The following NBAS variants were observed in gnomAD, a reference collection of about 807,000 sequenced individuals.
NBAS encodes NAG/BC035112 fusion.
In NBAS, 219 loss-of-function variants were observed where a neutral mutation model predicts 302.5. The observed-to-expected ratio is 0.72, with a 90% CI of 0.65 to 0.81. The LOEUF (loss-of-function observed/expected upper bound fraction) is 0.81. Among genes scored for constraint, NBAS ranks in the 30% least tolerant of loss-of-function variants. The probability of loss-of-function intolerance (pLI) is 0.00; values close to 1 mark genes in which losing one functional copy is unlikely to be tolerated. For missense variants in NBAS, 2,932 were observed against 2,841.6 expected (o/e 1.03, Z -0.72); for synonymous variants, 1,118 against 1,021.6 (o/e 1.09, Z -1.80).
intron 22 of NBAS, among the ~76,000 whole-genome samples, chr2:15,426,733 T>A (rs1357594485): frequency 6.6e-6 from 1 of 152,206 alleles, no homozygotes; most frequent in East Asian, 1.9e-4. Flanking sequence ...TTTCTTTCAG[T>A]TCCGTTTTCC....
At chr2:15,380,408 T>C (rs1386289121) in intron 29 of NBAS, among the ~76,000 whole-genome samples, 4 of 152,012 alleles carry the variant, frequency 2.6e-5, no homozygotes, top group African/African-American at 9.7e-5. Flanking sequence ...AGAAAAATCT[T>C]TGAATACAAT....
At chr2:15,141,774 T>G in the NBAS span, among the ~76,000 whole-genome samples, 16 of 152,334 alleles carry the variant, frequency 1.1e-4, no homozygotes, top group East Asian at 2.9e-3. Flanking sequence ...AACCTGTGCT[T>G]TCTTTAGCAG....
At chr2:15,025,352 G>A in the NBAS span, among the ~76,000 whole-genome samples, 1 of 152,146 alleles carries the variant, frequency 6.6e-6, no homozygotes, top group African/African-American at 2.4e-5. Flanking sequence ...TTACCATTCT[G>A]TTTGGGTTAC....
the NBAS span, among the ~76,000 whole-genome samples, chr2:14,807,878 G>A: frequency 7.2e-5 from 11 of 152,052 alleles, no homozygotes; most frequent in Admixed American, 2.0e-4. Context: ...AGTAGATGTT[G>A]CAAAGGGTTA....
intron 32 of NBAS, 133 bp from the exon 33 acceptor site, chr2:15,356,549 A>T: frequency 1.4e-6 from 1 of 730,552 alleles, no homozygotes; most frequent in East Asian, 2.8e-5. Context: ...TGATGAGAGG[A>T]AAAAGTTGCT....
the NBAS span, among the ~76,000 whole-genome samples, chr2:15,085,689 C>A: frequency 2.0e-5 from 3 of 152,150 alleles, no homozygotes; most frequent in Non-Finnish European, 4.4e-5. Flanking sequence ...CTCTTGGGGG[C>A]CTACGAAGGC....
At chr2:15,085,805 C>T in the NBAS span, among the ~76,000 whole-genome samples, 1 of 152,204 alleles carries the variant, frequency 6.6e-6, no homozygotes, top group Admixed American at 6.5e-5. Flanking sequence ...GGGGTGCACA[C>T]GCTGGGGGCA....
At chr2:15,301,532 T>C (rs759088252) in intron 40 of NBAS, among the ~76,000 whole-genome samples, 7 of 152,212 alleles carry the variant, frequency 4.6e-5, no homozygotes, top group Non-Finnish European at 1.0e-4. Context: ...CAGGAACTGG[T>C]GTCCTCCAAT....
intron 35 of NBAS, among the ~76,000 whole-genome samples, chr2:15,341,062 C>G (rs1471702091): frequency 1.3e-5 from 2 of 152,064 alleles, no homozygotes; most frequent in Non-Finnish European, 2.9e-5. Flanking sequence ...CCCTACAGGG[C>G]TAAATAATAT....
At position 15,547,159 on chromosome 2, in the gene NBAS, G is replaced by A. The variant is rs375006781; in HGVS notation, c.379+4334C>T. Among the ~76,000 whole-genome samples the A allele has an allele frequency of 3.3e-5, 5 of 152,242 alleles. No individual in the cohort carries two copies. In the East Asian group the frequency reaches 5.8e-4, roughly 18 times the overall value. On this transcript the variant is annotated intron_variant, in intron 6 of 51. Transcript: ENST00000281513. ...TACAATCCACATTTAAAACATTCTCGAATGGCATGTATTTTATAAAACAAT... is the reference window on the plus strand; with the variant it reads ...TACAATCCACATTTAAAACATTCTCAAATGGCATGTATTTTATAAAACAAT...
Position 15,417,596 on chromosome 2 carries a change from A to C in NBAS, c.2694T>G (p.Asp898Glu). 1 of 1,614,006 alleles carries C rather than the reference A, an allele frequency of 6.2e-7. No individual in the cohort carries two copies. Among genetic ancestry groups the C allele is most frequent in the Non-Finnish European group, 8.5e-7 (1 of 1,179,944 alleles). ...LETLVYEARCDVTLTLKELQQ... is the reference protein window; with the variant it reads ...LETLVYEARCEVTLTLKELQQ... ...GGAGTTCTTTCAGGGTTAGAGTTACATCACACCTGGCTTCATAAACCAATG... is the reference window on the plus strand; with the variant it reads ...GGAGTTCTTTCAGGGTTAGAGTTACCTCACACCTGGCTTCATAAACCAATG... The change falls in exon 24 of 52, where the codon GAT becomes GAG. Residue 898 changes from aspartate to glutamate, a missense_variant. Transcript: ENST00000281513.
At chr2:14,894,904 A>C in the NBAS span, among the ~76,000 whole-genome samples, 4 of 152,144 alleles carry the variant, frequency 2.6e-5, no homozygotes, top group African/African-American at 7.2e-5. Context: ...CAAAAAATAC[A>C]AAAATTAGTT....
At chr2:15,335,730 C>A (rs1304485996) in intron 35 of NBAS, among the ~76,000 whole-genome samples, 1 of 152,114 alleles carries the variant, frequency 6.6e-6, no homozygotes, top group Non-Finnish European at 1.5e-5. Flanking sequence ...ATACACATCC[C>A]TTATTAGATA....
chr2:15,198,994 A>G lies in NBAS; in HGVS notation c.6433-8591T>C, dbSNP rs537860070. 9.9e-5 allele frequency among the ~76,000 whole-genome samples: 15 copies of G among 152,024 alleles called. No individual in the cohort carries two copies. The East Asian group carries it at 2.9e-3, about 29-fold the overall frequency. On this transcript the variant is annotated intron_variant, in intron 48 of 51. Coordinates refer to ENST00000281513, the MANE Select transcript of NBAS (RefSeq NM_015909.4). ...ACAAAAAATTAGCCGGGCATTGGTG[A>G]CAGGTGCCTGCAGTCCCAGCTACTC...
the NBAS span, among the ~76,000 whole-genome samples, chr2:14,825,593 C>T: frequency 6.6e-6 from 1 of 152,152 alleles, no homozygotes; most frequent in Non-Finnish European, 1.5e-5. Flanking sequence ...TGCAACAGAT[C>T]TTTACTGTCA....
intron 47 of NBAS, among the ~76,000 whole-genome samples, chr2:15,222,788 C>T (rs776459801): frequency 2.0e-5 from 3 of 152,166 alleles, no homozygotes; most frequent in Non-Finnish European, 2.9e-5. Flanking sequence ...CTGAACCAAA[C>T]GGGCTATTCC....
At position 15,330,687 on chromosome 2, in the gene NBAS, T is replaced by C; in HGVS notation, c.4258A>G (p.Asn1420Asp). The change falls in exon 36 of 52, where the codon AAC becomes GAC. Residue 1420 changes from asparagine to aspartate, a missense_variant. Coordinates refer to ENST00000281513, the MANE Select transcript of NBAS (RefSeq NM_015909.4). ...TTATTMKVLS[N>D]TTTTTKAVLQ... ...ACCGCTTTGGTGGTGGTTGTGGTGT[T>C]GGAAAGGACTTTCATGGTGGTAGCA... 1 of 1,614,104 alleles carries C rather than the reference T, an allele frequency of 6.2e-7. No homozygotes were observed. The highest frequency in any genetic ancestry group is 8.5e-7 in the Non-Finnish European group (1 of 1,179,978).
At chr2:15,174,540 G>GT (rs1320296289) in intron 51 of NBAS, among the ~76,000 whole-genome samples, 3 of 152,230 alleles carry the variant, frequency 2.0e-5, no homozygotes, top group African/African-American at 7.2e-5. Context: ...GCCTGGGAGA[G>GT]TAAGTGGGCT....
chr2:15,267,685 A>C (rs1035674995), intron 44 of NBAS, among the ~76,000 whole-genome samples: 8 of 152,200 alleles, frequency 5.3e-5, no homozygotes, highest in Non-Finnish European at 1.0e-4. Flanking sequence ...TATACCAAAA[A>C]TTATAAAGGT....
Sources: allele counts gnomAD v4.1 joint callset (sites outside exome capture counted in the v4.1 genomes callset), GRCh38; gene constraint gnomAD v4.1.1; transcripts MANE v1.5; gene names NCBI Gene and HGNC (gene_info 2026-07-23, HGNC 2026-07-21).